The following MCF2 variants were observed in gnomAD, a reference collection of about 807,000 sequenced individuals.
MCF2 encodes MCF.2 cell line derived transforming sequence.
In MCF2, 44 loss-of-function variants were observed where a neutral mutation model predicts 82.5. That is an observed-to-expected ratio of 0.53 (90% CI 0.42 to 0.69). The LOEUF (loss-of-function observed/expected upper bound fraction) is 0.69, where lower values mean the gene tolerates loss of function less well. MCF2 is among the 30% of genes least tolerant of loss of function. The pLI is 0.00. For missense variants in MCF2, 623 were observed against 663.1 expected (o/e 0.94, Z 0.66); for synonymous variants, 217 against 224.9 (o/e 0.96, Z 0.32).
At chrX:139,589,717 A>T in intron 20 of MCF2, 118 bp downstream of exon 24, 2 of 506,421 alleles carry the variant, frequency 3.9e-6, no homozygotes, top group Non-Finnish European at 6.9e-6. Context: ...TATTTAACTG[A>T]CCTACATGAA....
intron 4 of MCF2, among the ~76,000 whole-genome samples, chrX:139,627,133 TG>T (rs1305511555): frequency 8.9e-6 from 1 of 111,753 alleles, no homozygotes; most frequent in Middle Eastern, 4.2e-3. Flanking sequence ...GATCTTGCTA[TG>T]TTGCCCAGGC....
intron 1 of MCF2, among the ~76,000 whole-genome samples, chrX:139,674,368 T>A (rs1232331522): frequency 1.8e-5 from 2 of 111,796 alleles, no homozygotes; most frequent in Admixed American, 9.5e-5. Context: ...GTCATTATGA[T>A]GTTAGCTGGT....
At chrX:139,613,284 G>T (rs763017109) in intron 10 of MCF2, 21 bp from the exon 14 acceptor site, 2 of 1,097,883 alleles carry the variant, frequency 1.8e-6, no homozygotes, top group East Asian at 6.6e-5. Flanking sequence ...AAATTGTAAC[G>T]CCATTAAATA....
chrX:139,704,709 C>T (rs1935559434), intron 1 of MCF2, among the ~76,000 whole-genome samples: 1 of 111,123 alleles, frequency 9.0e-6, no homozygotes, highest in Admixed American at 9.6e-5. Flanking sequence ...ACAAAGAGAA[C>T]TACAAAACAC....
At chrX:139,587,850 C>A in intron 21 of MCF2, 62 bp from the exon 26 acceptor site, 2 of 657,235 alleles carry the variant, frequency 3.0e-6, no homozygotes, top group Admixed American at 2.4e-5. Flanking sequence ...CCTTGAAGGC[C>A]AATGACTTTC....
At chrX:139,665,926 T>TATATAC (rs1457804512) in intron 1 of MCF2, among the ~76,000 whole-genome samples, 3 of 73,276 alleles carry the variant, frequency 4.1e-5, no homozygotes, top group Non-Finnish European at 6.6e-5. Context: ...TATATATATA[T>TATATAC]ACACACACAC....
chrX:139,621,835 T>C (rs1264471844), intron 6 of MCF2, among the ~76,000 whole-genome samples: 211 of 111,330 alleles, frequency 1.9e-3, no homozygotes, highest in African/African-American at 6.8e-3. Context: ...ACTTCATGTC[T>C]AAAACACCGA....
chrX:139,634,441 T>C (rs1053680206), intron 1 of MCF2, among the ~76,000 whole-genome samples: 15 of 111,671 alleles, frequency 1.3e-4, no homozygotes, highest in East Asian at 2.8e-4. Flanking sequence ...ATAGACTCTT[T>C]GGGAAATGAT....
chrX:139,667,049 A>G (rs1934541118), intron 1 of MCF2, among the ~76,000 whole-genome samples: 1 of 111,366 alleles, frequency 9.0e-6, no homozygotes, highest in Non-Finnish European at 1.9e-5. Context: ...CTTGAGTTCT[A>G]GAATTTCTAT....
intron 8 of MCF2, among the ~76,000 whole-genome samples, chrX:139,617,298 G>A (rs1160313894): frequency 9.0e-6 from 1 of 111,503 alleles, no homozygotes; most frequent in Non-Finnish European, 1.9e-5. Context: ...TTCATGAATA[G>A]TTCATTGGTA....
intron 15 of MCF2, 38 bp from the exon 20 acceptor site, chrX:139,602,536 G>T: frequency 1.1e-6 from 1 of 946,141 alleles, no homozygotes; most frequent in Non-Finnish European, 1.5e-6. Flanking sequence ...TTACTAATTT[G>T]TGAATATGAC....
intron 3 of MCF2, 58 bp downstream of exon 6, chrX:139,631,337 G>A (rs766569761): frequency 1.5e-6 from 1 of 663,321 alleles, no homozygotes; most frequent in Middle Eastern, 3.3e-4. Context: ...TCTAGAACTA[G>A]ATTTAAAGGC....
chrX:139,670,695 C>G (rs1223086285), intron 1 of MCF2, among the ~76,000 whole-genome samples: 1 of 112,133 alleles, frequency 8.9e-6, no homozygotes, highest in African/African-American at 3.2e-5. Flanking sequence ...GCCAAATTTT[C>G]TTAATCCAGT....
chrX:139,600,019 C>T (rs1340598408), intron 16 of MCF2, among the ~76,000 whole-genome samples: 2 of 111,649 alleles, frequency 1.8e-5, no homozygotes, highest in Non-Finnish European at 3.8e-5. Context: ...ACAACATGGA[C>T]GAACCACTAA....
At chrX:139,599,886 A>C (rs1427710727) in intron 16 of MCF2, among the ~76,000 whole-genome samples, 1 of 112,188 alleles carries the variant, frequency 8.9e-6, no homozygotes, top group Non-Finnish European at 1.9e-5. Flanking sequence ...ATTGTTCATA[A>C]TAATCAAAAG....
At chrX:139,689,652 C>CTTTTTTTTTTTTTT (rs1569402929) in intron 1 of MCF2, among the ~76,000 whole-genome samples, 10 of 108,521 alleles carry the variant, frequency 9.2e-5, no homozygotes, top group African/African-American at 3.0e-4. Context: ...CTTTGCATAT[C>CTTTTTTTTTTTTTT]TTATTTCCTT....
intron 1 of MCF2, among the ~76,000 whole-genome samples, chrX:139,667,898 G>C (rs1308325553): frequency 1.8e-5 from 2 of 112,148 alleles, no homozygotes; most frequent in Non-Finnish European, 1.9e-5. Flanking sequence ...GCTCATGCCT[G>C]TAATGCTAGT....
At chrX:139,603,745 G>A (rs1161217096) in intron 15 of MCF2, among the ~76,000 whole-genome samples, 1 of 111,248 alleles carries the variant, frequency 9.0e-6, no homozygotes, top group Non-Finnish European at 1.9e-5. Context: ...TGAGGCAGGA[G>A]AATGGTGTGA....
At chrX:139,641,132 A>T (rs1238237743) in intron 1 of MCF2, among the ~76,000 whole-genome samples, 7 of 107,851 alleles carry the variant, frequency 6.5e-5, no homozygotes. Flanking sequence ...ATATTAATGC[A>T]TGTGTATAGA....
Sources: allele counts gnomAD v4.1 joint callset (sites outside exome capture counted in the v4.1 genomes callset), GRCh38; gene constraint gnomAD v4.1.1; transcripts MANE v1.5; gene names NCBI Gene and HGNC (gene_info 2026-07-23, HGNC 2026-07-21).